SLC13A3: variants seen among roughly 807,000 people sequenced by gnomAD.
The protein encoded by SLC13A3 is solute carrier family 13 member 3, also known as Na(+)/dicarboxylate cotransporter 3.
SLC13A3 carries 40 observed loss-of-function variants against 59.0 expected under a neutral mutation model. The ratio of observed to expected loss-of-function variants is 0.68; its 90% CI spans 0.53 to 0.88. The LOEUF (loss-of-function observed/expected upper bound fraction) is 0.88, where lower values mean the gene tolerates loss of function less well. SLC13A3 is among the 40% of genes least tolerant of loss of function. SLC13A3 has a pLI of 0.00. For synonymous variants in SLC13A3, 317 were observed against 330.3 expected, an observed-to-expected ratio of 0.96 and a Z score of 0.44; for missense variants, 699 against 783.2, an observed-to-expected ratio of 0.89 and a Z score of 1.28.
chr20:46,599,064 C>G (rs1387447204), intron 4 of SLC13A3, among the ~76,000 whole-genome samples: 2 of 152,246 alleles, frequency 1.3e-5, no homozygotes, highest in South Asian at 4.1e-4. Context: ...TCGCCTCCCC[C>G]ACCCTTTTCC....
At chr20:46,575,950 C>T (rs1368631279) in intron 9 of SLC13A3, among the ~76,000 whole-genome samples, 3 of 152,184 alleles carry the variant, frequency 2.0e-5, no homozygotes, top group Non-Finnish European at 4.4e-5. Context: ...TCACTTAACT[C>T]TCCCAACAGC....
chr20:46,574,346 A>G (rs2146095157), intron 10 of SLC13A3, among the ~76,000 whole-genome samples: 1 of 152,300 alleles, frequency 6.6e-6, no homozygotes, highest in South Asian at 2.1e-4. Context: ...TCCTATCTGT[A>G]AAAGAGGCAT....
intron 1 of SLC13A3, among the ~76,000 whole-genome samples, chr20:46,681,302 T>A (rs933719991): frequency 2.0e-5 from 3 of 152,078 alleles, no homozygotes; most frequent in African/African-American, 7.2e-5. Context: ...CCTGCTACAC[T>A]TAGGTGCTCA....
intron 1 of SLC13A3, among the ~76,000 whole-genome samples, chr20:46,638,659 T>G (rs958221106): frequency 1.3e-5 from 2 of 152,234 alleles, no homozygotes; most frequent in Non-Finnish European, 1.5e-5. Flanking sequence ...GCTCACAGGC[T>G]AGCATGCCCC....
intron 1 of SLC13A3, among the ~76,000 whole-genome samples, chr20:46,624,672 A>C (rs1433752298): frequency 6.6e-6 from 1 of 152,240 alleles, no homozygotes; most frequent in Non-Finnish European, 1.5e-5. Context: ...TTATAGTTTA[A>C]AAATGACTCC....
rs766228189 is a variant in SLC13A3 at position 46,613,508 on chromosome 20, C to T, written c.329G>A (p.Arg110Gln). ...CATCAGGATCTTGAGGGCGATTCGC[C>T]GGTGCAGGTTCCACTCCTCAATGGC... ...ASAIEEWNLH[R>Q]RIALKILMLV... Residue 110 changes from arginine (R) to glutamine (Q), a missense_variant, in exon 2 of 13, where the codon CGG becomes CAG. Physicochemically the swap from Arg to Gln is conservative, Grantham distance 43. Coordinates refer to ENST00000279027, the MANE Select transcript of SLC13A3 (RefSeq NM_022829.6). 21 of 1,611,314 alleles carry T rather than the reference C, an allele frequency of 1.3e-5. No homozygotes were observed. The highest frequency in any genetic ancestry group is 5.3e-5 in the African/African-American group (4 of 74,830).
At chr20:46,583,786 G>T (rs2062163280) in intron 8 of SLC13A3, 117 bp from the exon 9 acceptor site, 12 of 1,498,886 alleles carry the variant, frequency 8.0e-6, no homozygotes, top group Non-Finnish European at 1.1e-5. Context: ...AGGGGCCATT[G>T]TTGGAGGCTG....
At position 46,587,502 on chromosome 20, in the gene SLC13A3, G is replaced by A. The variant is rs117735156; in HGVS notation, c.1121+557C>T. 3.1e-3 allele frequency among the ~76,000 whole-genome samples: 474 copies of A among 152,110 alleles called. 5 individuals are homozygous for A. Among genetic ancestry groups the A allele is most frequent in the African/African-American group, 7.9e-3 (329 of 41,492 alleles). The stretch of plus-strand genomic sequence containing the variant: ...TTTCTCATTTTCTCAAACATGCTAC[G>A]TTTGTTCTGACTCAGGCTTCAGTAG... On this transcript the variant is annotated intron_variant, in intron 8 of 12. Transcript: ENST00000279027.
At chr20:46,646,797 T>C (rs946967729) in intron 1 of SLC13A3, among the ~76,000 whole-genome samples, 1 of 152,180 alleles carries the variant, frequency 6.6e-6, no homozygotes, top group East Asian at 1.9e-4. Context: ...AGAAAATAAC[T>C]GGGAAAGAAT....
intron 1 of SLC13A3, among the ~76,000 whole-genome samples, chr20:46,621,014 G>C (rs2122774856): frequency 6.6e-6 from 1 of 152,360 alleles, no homozygotes; most frequent in Admixed American, 6.5e-5. Context: ...AGTTGGAAGT[G>C]GTCCGGTCAA....
At chr20:46,592,560 A>G in intron 5 of SLC13A3, 31 bp from the exon 6 acceptor site, 1 of 1,611,826 alleles carries the variant, frequency 6.2e-7, no homozygotes, top group Non-Finnish European at 8.5e-7. Context: ...AGAACAGGCC[A>G]AGGGCAGCCA....
At chr20:46,569,993 G>A (rs947478185) in intron 10 of SLC13A3, among the ~76,000 whole-genome samples, 6 of 152,102 alleles carry the variant, frequency 3.9e-5, no homozygotes, top group South Asian at 2.1e-4. Context: ...CAACGGGCTC[G>A]GCTGTGTGCA....
chr20:46,627,662 T>C (rs978279163), intron 1 of SLC13A3, among the ~76,000 whole-genome samples: 3 of 152,110 alleles, frequency 2.0e-5, no homozygotes, highest in Non-Finnish European at 4.4e-5. Context: ...ATTCAACCTA[T>C]AGTCACCAAT....
chr20:46,613,894 G>A (rs55905572), intron 1 of SLC13A3, 169 bp from the exon 2 acceptor site: 7 of 587,334 alleles, frequency 1.2e-5, no homozygotes, highest in East Asian at 1.2e-4. Flanking sequence ...AGTGGAGCAG[G>A]TGTGTGCCTA....
At chr20:46,605,013 G>A (rs2062423676) in intron 3 of SLC13A3, among the ~76,000 whole-genome samples, 1 of 152,150 alleles carries the variant, frequency 6.6e-6, no homozygotes, top group African/African-American at 2.4e-5. Flanking sequence ...GTTACAGATA[G>A]GGAAACTGAG....
intron 1 of SLC13A3, among the ~76,000 whole-genome samples, chr20:46,621,162 CA>C (rs1244730529): frequency 6.6e-6 from 1 of 152,154 alleles, no homozygotes; most frequent in Non-Finnish European, 1.5e-5. Context: ...GAGGGTTAGC[CA>C]AAGCTTTAGC....
chr20:46,626,877 T>C (rs2062679192), intron 1 of SLC13A3, among the ~76,000 whole-genome samples: 1 of 152,176 alleles, frequency 6.6e-6, no homozygotes, highest in South Asian at 2.1e-4. Context: ...TCCCTCTGCC[T>C]GGCCCTCTTG....
intron 3 of SLC13A3, among the ~76,000 whole-genome samples, chr20:46,607,324 C>G (rs2062445683): frequency 6.6e-6 from 1 of 152,166 alleles, no homozygotes; most frequent in Non-Finnish European, 1.5e-5. Context: ...GAACCTATAG[C>G]TCCTAGGAAC....
intron 9 of SLC13A3, among the ~76,000 whole-genome samples, chr20:46,581,379 G>C (rs561428691): frequency 6.6e-6 from 1 of 152,314 alleles, no homozygotes; most frequent in South Asian, 2.1e-4. Flanking sequence ...ATCTGCCCAA[G>C]AAGAACAAGC....
Sources: allele counts gnomAD v4.1 joint callset (sites outside exome capture counted in the v4.1 genomes callset), GRCh38; gene constraint gnomAD v4.1.1; transcripts MANE v1.5; gene names NCBI Gene and HGNC (gene_info 2026-07-23, HGNC 2026-07-21).